The following CDK19 variants were observed in gnomAD, a reference collection of about 807,000 sequenced individuals.
The protein encoded by CDK19 is cyclin dependent kinase 19, also known as cyclin-dependent kinase 19.
Under a neutral mutation model 68.3 loss-of-function variants are expected in CDK19, and 20 were observed. That is an observed-to-expected ratio of 0.29 (90% CI 0.21 to 0.43). CDK19 has a LOEUF of 0.43. CDK19 is among the 20% of genes least tolerant of loss of function. CDK19 has a pLI of 1.00. For missense variants in CDK19, 339 were observed against 623.5 expected, an observed-to-expected ratio of 0.54 and a Z score of 4.86; for synonymous variants, 221 against 222.8, an observed-to-expected ratio of 0.99 and a Z score of 0.07.
In CDK19 at chr6:110,769,571, A is replaced by T. The variant is rs3021292; in HGVS notation, c.129-23370T>A. Among the ~76,000 whole-genome samples the T allele has an allele frequency of 3.1e-4, 45 of 144,002 alleles. No individual in the cohort carries two copies. The East Asian group carries it at 5.4e-3, about 17-fold the overall frequency. The allele number at this position is 144,002 out of a possible 152,430, so 94.5% of individuals were successfully genotyped here. On this transcript the variant is annotated intron_variant, in intron 1 of 12. Coordinates refer to ENST00000368911, the MANE Select transcript of CDK19 (RefSeq NM_015076.5). ...GAGAGCAAGATTCCATCTCAAAAAAAAAAAAAAATAATAATAATAATAATA... is the reference window on the plus strand; with the variant it reads ...GAGAGCAAGATTCCATCTCAAAAAATAAAAAAAATAATAATAATAATAATA...
intron 12 of CDK19, among the ~76,000 whole-genome samples, chr6:110,617,728 A>G (rs1263434222): frequency 6.8e-6 from 1 of 146,324 alleles, no homozygotes; most frequent in Non-Finnish European, 1.5e-5. Context: ...GTGGTGATAC[A>G]TGCCTGTAGT....
chr6:110,748,235 A>C (rs960793714), intron 1 of CDK19, among the ~76,000 whole-genome samples: 5 of 152,222 alleles, frequency 3.3e-5, no homozygotes, highest in Non-Finnish European at 7.3e-5. Flanking sequence ...GGAAACTATA[A>C]GATCTTTGCA....
At chr6:110,778,620 T>G (rs1780583875) in intron 1 of CDK19, among the ~76,000 whole-genome samples, 1 of 152,194 alleles carries the variant, frequency 6.6e-6, no homozygotes, top group Non-Finnish European at 1.5e-5. Context: ...TCTCCCTAAC[T>G]CCATTATCCA....
At chr6:110,769,570 A>AC (rs1562273635) in intron 1 of CDK19, among the ~76,000 whole-genome samples, 3 of 140,564 alleles carry the variant, frequency 2.1e-5, no homozygotes, top group African/African-American at 8.2e-5. Flanking sequence ...ATCTCAAAAA[A>AC]AAAAAAAAAT....
At chr6:110,708,976 C>T (rs1432323179) in intron 2 of CDK19, among the ~76,000 whole-genome samples, 2 of 152,178 alleles carry the variant, frequency 1.3e-5, no homozygotes, top group African/African-American at 4.8e-5. Context: ...CAAAGCTTAT[C>T]TACCATGATC....
intron 1 of CDK19, among the ~76,000 whole-genome samples, chr6:110,766,503 G>A (rs1418725764): frequency 2.6e-5 from 4 of 152,070 alleles, no homozygotes; most frequent in East Asian, 1.9e-4. Flanking sequence ...CTTTGAAACC[G>A]GGAGGCAGAG....
intron 4 of CDK19, among the ~76,000 whole-genome samples, chr6:110,639,379 C>A (rs1779981774): frequency 6.6e-6 from 1 of 152,304 alleles, no homozygotes; most frequent in Admixed American, 6.5e-5. Flanking sequence ...GAGAGTGAGT[C>A]TCCTTTGTAA....
At chr6:110,618,528 C>T (rs867727439) in intron 12 of CDK19, among the ~76,000 whole-genome samples, 21 of 152,316 alleles carry the variant, frequency 1.4e-4, no homozygotes, top group Middle Eastern at 6.8e-3. Context: ...TTTGACTCAT[C>T]CTTTAATTCC....
At position 110,701,386 on chromosome 6, in the gene CDK19, CAA is replaced by C. The variant is rs58069740; in HGVS notation, c.205-30847_205-30846del. On this transcript the variant is annotated intron_variant, in intron 2 of 12. Transcript: ENST00000368911. ...TGAAACCCCATCTCTACTAAAAATA[CAA>C]AAAAAAAAAAAAAATTAGCCGAGCA... Among the ~76,000 whole-genome samples, 55 of 124,514 alleles carry C rather than the reference CAA, an allele frequency of 4.4e-4. 1 individual carries two copies. Among genetic ancestry groups the C allele is most frequent in the African/African-American group, 3.9e-4 (13 of 33,244 alleles). The allele number at this position is 124,514 out of a possible 152,430, so 81.7% of individuals were successfully genotyped here.
intron 1 of CDK19, 31 bp downstream of exon 1, chr6:110,814,978 G>A: frequency 6.3e-7 from 1 of 1,598,172 alleles, no homozygotes. Context: ...GAGGACCCGA[G>A]CGAGCCTACT....
chr6:110,655,087 G>A (rs559427803), intron 4 of CDK19, among the ~76,000 whole-genome samples: 1 of 152,124 alleles, frequency 6.6e-6, no homozygotes, highest in Admixed American at 6.5e-5. Context: ...TCCTCGATAG[G>A]CCGGGCACGG....
chr6:110,813,976 A>G (rs1783340791), intron 1 of CDK19: 1 of 152,576 alleles, frequency 6.6e-6, no homozygotes, highest in African/African-American at 2.4e-5. Context: ...AATTCCTGCC[A>G]GGAAGCTGGT....
chr6:110,647,230 C>T (rs1780660129), intron 4 of CDK19, among the ~76,000 whole-genome samples: 1 of 152,164 alleles, frequency 6.6e-6, no homozygotes, highest in African/African-American at 2.4e-5. Flanking sequence ...GTGTCTCTCT[C>T]CTTGCACCCC....
intron 1 of CDK19, among the ~76,000 whole-genome samples, chr6:110,806,300 A>G (rs1227285320): frequency 1.3e-5 from 2 of 151,808 alleles, no homozygotes; most frequent in Admixed American, 1.3e-4. Flanking sequence ...AGATCGTGCC[A>G]TCACACAACA....
intron 4 of CDK19, among the ~76,000 whole-genome samples, chr6:110,663,851 ATTAGAG>A (rs1781758029): frequency 6.6e-6 from 1 of 152,166 alleles, no homozygotes; most frequent in Non-Finnish European, 1.5e-5. Context: ...TTCAAATCTT[ATTAGAG>A]TTACTCACTT....
At chr6:110,734,119 C>T (rs1190074135) in intron 2 of CDK19, among the ~76,000 whole-genome samples, 2 of 152,076 alleles carry the variant, frequency 1.3e-5, no homozygotes, top group Non-Finnish European at 2.9e-5. Context: ...AAGCAATTCT[C>T]GTGCCTCAGC....
At chr6:110,625,492 G>A (rs112355591) in intron 8 of CDK19, among the ~76,000 whole-genome samples, 14 of 151,934 alleles carry the variant, frequency 9.2e-5, no homozygotes, top group African/African-American at 2.7e-4. Context: ...GTACCCTTGC[G>A]AACAAGGGTA....
chr6:110,792,242 T>A (rs997918864), intron 1 of CDK19, among the ~76,000 whole-genome samples: 1 of 152,166 alleles, frequency 6.6e-6, no homozygotes, highest in Non-Finnish European at 1.5e-5. Context: ...GTGCTGAGAT[T>A]ACAGGCGTGA....
intron 1 of CDK19, among the ~76,000 whole-genome samples, chr6:110,803,418 T>C (rs1317072743): frequency 9.2e-6 from 1 of 108,642 alleles, no homozygotes. Flanking sequence ...CTATACTAAG[T>C]TTTTTTACCA....
Sources: gnomAD v4.1 joint callset for allele counts (sites outside exome capture counted in the v4.1 genomes callset) on GRCh38, gnomAD v4.1.1 for gene constraint, MANE v1.5 for transcripts, NCBI Gene and HGNC (gene_info 2026-07-23, HGNC 2026-07-21) for gene names.